Variants in TMEFF1 observed in about 807,000 individuals in gnomAD.
TMEFF1 encodes transmembrane protein with EGF like and two follistatin like domains 1.
TMEFF1 carries 20 observed loss-of-function variants against 47.5 expected under a neutral mutation model. The observed-to-expected ratio is 0.42, with a 90% confidence interval of 0.30 to 0.61. The LOEUF (loss-of-function observed/expected upper bound fraction) is 0.61, where lower values mean the gene tolerates loss of function less well. Ranked by LOEUF, TMEFF1 falls within the 20% of genes least tolerant of loss-of-function variation. The probability of loss-of-function intolerance (pLI) is 0.19; values close to 1 mark genes in which losing one functional copy is unlikely to be tolerated. For missense variants in TMEFF1, 411 were observed against 471.1 expected (o/e 0.87, Z 1.18); for synonymous variants, 162 against 166.3 (o/e 0.97, Z 0.20).
chr9:100,484,154 A>G (rs1321767823), intron 1 of TMEFF1, among the ~76,000 whole-genome samples: 1 of 152,168 alleles, frequency 6.6e-6, no homozygotes, highest in Non-Finnish European at 1.5e-5. Context: ...ATAGAGTTAT[A>G]GATCATTCTG....
At position 100,515,541 on chromosome 9, in the gene TMEFF1, G is replaced by A. The variant is rs1012073241; in HGVS notation, c.464-1134G>A. 8.5e-5 allele frequency among the ~76,000 whole-genome samples: 13 copies of A among 152,138 alleles called. 1 individual carries two copies. The highest frequency in any genetic ancestry group is 8.3e-4 in the South Asian group (4 of 4,822). On this transcript the variant is annotated intron_variant, in intron 4 of 9. Coordinates refer to ENST00000374879, the MANE Select transcript of TMEFF1 (RefSeq NM_003692.5). ...GGTGGCTCATGCCTGTAATCCCAGC[G>A]TTTTGGGAGACTGAGGTGGGCGGAT...
intron 5 of TMEFF1, among the ~76,000 whole-genome samples, chr9:100,528,990 T>A (rs1296647588): frequency 6.8e-6 from 1 of 147,506 alleles, no homozygotes; most frequent in East Asian, 2.0e-4. Flanking sequence ...CCAGCCAAAC[T>A]AAGCTTCATA....
chr9:100,491,882 CTTTT>C (rs145822143), intron 1 of TMEFF1, among the ~76,000 whole-genome samples: 4 of 137,432 alleles, frequency 2.9e-5, no homozygotes, highest in Non-Finnish European at 1.6e-5. Context: ...AGTTTCTTTC[CTTTT>C]TTTTTTTTTT....
At chr9:100,522,664 T>C (rs1251571345) in intron 5 of TMEFF1, among the ~76,000 whole-genome samples, 1 of 152,064 alleles carries the variant, frequency 6.6e-6, no homozygotes, top group Admixed American at 6.5e-5. Flanking sequence ...CTTGAACTCC[T>C]GATCTCGTGA....
intron 5 of TMEFF1, 52 bp downstream of exon 5, chr9:100,516,823 A>T: frequency 6.3e-7 from 1 of 1,582,730 alleles, no homozygotes; most frequent in Non-Finnish European, 8.6e-7. Flanking sequence ...AATCATCAGT[A>T]TGATTATATT....
chr9:100,572,086 C>G (rs985668599), intron 8 of TMEFF1, among the ~76,000 whole-genome samples: 1 of 151,974 alleles, frequency 6.6e-6, no homozygotes, highest in African/African-American at 2.4e-5. Context: ...AATATCTGTC[C>G]ATGGCCCGGG....
chr9:100,572,431 A>G lies in TMEFF1; in HGVS notation c.900-87A>G. The G allele has an allele frequency of 2.9e-6, 4 of 1,365,072 alleles. 1 individual carries two copies. The highest frequency in any genetic ancestry group is 5.5e-4 in the Middle Eastern group (2 of 3,626). 84.6% of individuals were successfully genotyped at this position (1,365,072 alleles called of 1,614,324 possible). ...GATATCCTATTCCTGTTTAAATTTT[A>G]TTACTATTTTGTATTTTTTAATGTA... On this transcript the variant is annotated intron_variant, in intron 8 of 9. Coordinates refer to ENST00000374879, the MANE Select transcript of TMEFF1 (RefSeq NM_003692.5).
At chr9:100,488,617 T>C (rs977741557) in intron 1 of TMEFF1, among the ~76,000 whole-genome samples, 13 of 152,200 alleles carry the variant, frequency 8.5e-5, no homozygotes, top group African/African-American at 3.1e-4. Context: ...TTATGTGTAT[T>C]ATTATTTTGC....
chr9:100,474,173 G>A (rs1247033478), intron 1 of TMEFF1, among the ~76,000 whole-genome samples: 1 of 151,000 alleles, frequency 6.6e-6, no homozygotes, highest in African/African-American at 2.4e-5. Flanking sequence ...GACGGCGAGG[G>A]GGCTGGGCGG....
chr9:100,537,272 T>G (rs1165752872), intron 5 of TMEFF1, among the ~76,000 whole-genome samples: 1 of 152,244 alleles, frequency 6.6e-6, no homozygotes, highest in Non-Finnish European at 1.5e-5. Flanking sequence ...GTAGTCCTTG[T>G]TTTGTTCTTG....
chr9:100,538,651 T>C (rs1027173596), intron 5 of TMEFF1, among the ~76,000 whole-genome samples: 22 of 152,232 alleles, frequency 1.4e-4, no homozygotes, highest in African/African-American at 5.1e-4. Context: ...TTGTATTTTG[T>C]ATAAATGGAA....
intron 1 of TMEFF1, among the ~76,000 whole-genome samples, chr9:100,497,318 G>GTTTTTTTTTTTTT (rs1328828062): frequency 1.7e-4 from 14 of 84,838 alleles, no homozygotes; most frequent in Admixed American, 3.3e-4. Flanking sequence ...TTCCACTCAT[G>GTTTTTTTTTTTTT]TCTTTTTTTT....
chr9:100,544,593 C>T (rs996010145), intron 5 of TMEFF1, among the ~76,000 whole-genome samples: 8 of 152,146 alleles, frequency 5.3e-5, no homozygotes, highest in African/African-American at 1.9e-4. Context: ...CCATATCATT[C>T]CCCTGCTTGC....
Position 100,491,498 on chromosome 9 carries a change from A to T in TMEFF1, c.197-7267A>T, listed in dbSNP as rs938428843. ...ACATGTTAATAAGGCCTTAGGGAACATTAATTTATAGGACTTTCCCCAGCA... is the reference window on the plus strand; with the variant it reads ...ACATGTTAATAAGGCCTTAGGGAACTTTAATTTATAGGACTTTCCCCAGCA... On this transcript the variant is annotated intron_variant, in intron 1 of 9. Transcript: ENST00000374879. 2.0e-5 allele frequency among the ~76,000 whole-genome samples: 3 copies of T among 152,240 alleles called. No homozygotes were observed. In the South Asian group the frequency reaches 6.2e-4, roughly 31 times the overall value.
In TMEFF1 at chr9:100,519,647, C is replaced by CTTTTT. The variant is rs60569330; in HGVS notation, c.560+2901_560+2905dup. 1.4e-4 allele frequency among the ~76,000 whole-genome samples: 9 copies of CTTTTT among 65,166 alleles called. 1 individual carries two copies. The highest frequency in any genetic ancestry group is 1.7e-4 in the African/African-American group (3 of 17,256). The allele number at this position is 65,166 out of a possible 152,430, so 42.8% of individuals were successfully genotyped here. On this transcript the variant is annotated intron_variant, in intron 5 of 9. Coordinates refer to ENST00000374879, the MANE Select transcript of TMEFF1 (RefSeq NM_003692.5). ...TACTTTGAGGACTGCTGCCCAGTGA[C>CTTTTT]TTTTTTTTTTTTTTTTTTTTTTTTT...
chr9:100,561,019 C>G (rs1839003593), intron 7 of TMEFF1, among the ~76,000 whole-genome samples: 2 of 152,164 alleles, frequency 1.3e-5, no homozygotes, highest in East Asian at 3.9e-4. Context: ...TAAGTTCATT[C>G]CCCAAAAGCC....
intron 4 of TMEFF1, among the ~76,000 whole-genome samples, chr9:100,514,370 A>G (rs1306020713): frequency 6.6e-6 from 1 of 151,980 alleles, no homozygotes; most frequent in Admixed American, 6.6e-5. Flanking sequence ...GTAGATGGAC[A>G]TGTTCAAGCA....
At chr9:100,514,613 A>C (rs1225643767) in intron 4 of TMEFF1, among the ~76,000 whole-genome samples, 1 of 151,328 alleles carries the variant, frequency 6.6e-6, no homozygotes, top group African/African-American at 2.4e-5. Flanking sequence ...AACTTTGGGA[A>C]GCTGAGATGG....
chr9:100,493,083 T>TC (rs541062020), intron 1 of TMEFF1, among the ~76,000 whole-genome samples: 104 of 151,534 alleles, frequency 6.9e-4, no homozygotes, highest in African/African-American at 2.3e-3. Context: ...TTCCCCCCTC[T>TC]CCCCCCCACA....
Sources: allele counts gnomAD v4.1 joint callset (sites outside exome capture counted in the v4.1 genomes callset), GRCh38; gene constraint gnomAD v4.1.1; transcripts MANE v1.5; gene names NCBI Gene and HGNC (gene_info 2026-07-23, HGNC 2026-07-21).